The following PKN2 variants were observed in gnomAD, a reference collection of about 807,000 sequenced individuals.
PKN2 encodes protein kinase N2, also known as serine/threonine-protein kinase N2.
Under a neutral mutation model 119.1 loss-of-function variants are expected in PKN2, and 38 were observed. The ratio of observed to expected loss-of-function variants is 0.32; its 90% CI spans 0.25 to 0.42. The LOEUF (loss-of-function observed/expected upper bound fraction) is 0.42. PKN2 is among the 10% of genes least tolerant of loss of function. The pLI is 1.00. For synonymous variants in PKN2, 390 were observed against 384.9 expected, an observed-to-expected ratio of 1.01 and a Z score of -0.15; for missense variants, 850 against 1,165.1, an observed-to-expected ratio of 0.73 and a Z score of 3.94.
intron 1 of PKN2, among the ~76,000 whole-genome samples, chr1:88,702,769 T>C (rs761044814): frequency 3.3e-5 from 5 of 152,182 alleles, no homozygotes; most frequent in Non-Finnish European, 7.4e-5. Context: ...TCATGAGATA[T>C]TCTAGTTTCA....
At chr1:88,737,968 T>A (rs1476536337) in intron 1 of PKN2, among the ~76,000 whole-genome samples, 5 of 152,198 alleles carry the variant, frequency 3.3e-5, no homozygotes, top group African/African-American at 1.2e-4. Context: ...CTTGCGAAGT[T>A]ACTTTCATGC....
intron 1 of PKN2, among the ~76,000 whole-genome samples, chr1:88,693,987 A>G (rs1169879209): frequency 1.3e-5 from 2 of 152,192 alleles, no homozygotes; most frequent in East Asian, 3.8e-4. Context: ...TTCATATTTT[A>G]AAGCAGTTTT....
At chr1:88,687,594 C>T (rs185325432) in intron 1 of PKN2, among the ~76,000 whole-genome samples, 1 of 152,268 alleles carries the variant, frequency 6.6e-6, no homozygotes, top group East Asian at 1.9e-4. Context: ...AACAAAGCTA[C>T]CTTGTTGATT....
In PKN2 at chr1:88,821,976, AT is replaced by A; in HGVS notation, c.2318del (p.Leu773TyrfsTer11). The A allele has an allele frequency of 6.3e-7, 1 of 1,577,528 alleles. No homozygotes were observed. On this transcript the variant is annotated frameshift_variant, in exon 17 of 22. Coordinates refer to ENST00000370521, the MANE Select transcript of PKN2 (RefSeq NM_006256.4). LOFTEE classifies it high-confidence loss of function. The stretch of plus-strand genomic sequence containing the variant: ...GCTTGTGTAGTTCTTGGGTTGCAGT[AT>A]TTACATGAACACAAAATTGTTTATA... ...YAACVVLGLQ[Y>X]LHEHKIVYRD...
intron 2 of PKN2, among the ~76,000 whole-genome samples, chr1:88,751,076 C>T (rs556672697): frequency 2.0e-5 from 3 of 152,084 alleles, no homozygotes; most frequent in Non-Finnish European, 4.4e-5. Flanking sequence ...AATGGTCTGG[C>T]ATCTGCCTCT....
At chr1:88,778,112 A>G (rs1670180361) in intron 6 of PKN2, among the ~76,000 whole-genome samples, 1 of 152,188 alleles carries the variant, frequency 6.6e-6, no homozygotes, top group African/African-American at 2.4e-5. Flanking sequence ...CAACTAATGT[A>G]CCTTTTACAT....
chr1:88,689,257 G>C (rs901497898), intron 1 of PKN2, among the ~76,000 whole-genome samples: 7 of 152,142 alleles, frequency 4.6e-5, no homozygotes, highest in African/African-American at 1.7e-4. Context: ...GTTGCTCATA[G>C]TTCTGTCACT....
At chr1:88,774,944 A>T (rs1670034539) in intron 6 of PKN2, among the ~76,000 whole-genome samples, 1 of 152,178 alleles carries the variant, frequency 6.6e-6, no homozygotes, top group Non-Finnish European at 1.5e-5. Context: ...CCCGGCCTCA[A>T]GTCATCTTCC....
rs138174102 is a variant in PKN2 at position 88,760,043 on chromosome 1, C to T, written c.350-179C>T. Reference sequence around the variant, plus strand: ...GGGAAGTAGTCTTGCAACTCAGATACGTGTTTTTTTTTTTTTTGCATGAAT... The same window carrying T: ...GGGAAGTAGTCTTGCAACTCAGATATGTGTTTTTTTTTTTTTTGCATGAAT... On this transcript the variant is annotated intron_variant, in intron 2 of 21. Transcript: ENST00000370521. Among the ~76,000 whole-genome samples the T allele has an allele frequency of 3.7e-4, 51 of 139,142 alleles. No individual in the cohort carries two copies. The East Asian group carries it at 9.6e-3, about 26-fold the overall frequency. The allele number at this position is 139,142 out of a possible 152,430, so 91.3% of individuals were successfully genotyped here. A position where few individuals can be genotyped will look rare whatever the true frequency, so the allele number is the denominator to read the frequency against.
At position 88,828,465 on chromosome 1, in the gene PKN2, A is replaced by AT; in HGVS notation, c.2420-12dup. On this transcript the variant is annotated splice_polypyrimidine_tract_variant and intron_variant, in intron 18 of 21. Transcript: ENST00000370521. Reference sequence around the variant, plus strand: ...GTTTTCTTTGCTAACAAATGTTTACATTTTATCTTTTCCAGGAATGGGATA... The same window carrying AT: ...GTTTTCTTTGCTAACAAATGTTTACATTTTTATCTTTTCCAGGAATGGGATA... 1 of 1,577,638 alleles carries AT rather than the reference A, an allele frequency of 6.3e-7. No homozygotes were observed. Among genetic ancestry groups the AT allele is most frequent in the Non-Finnish European group, 8.7e-7 (1 of 1,155,122 alleles).
Position 88,684,602 on chromosome 1 carries a change from G to A in PKN2, c.22G>A (p.Gly8Arg), listed in dbSNP as rs1225868815. Residue 8 changes from glycine to arginine, a missense_variant, in exon 1 of 22, where the codon GGG becomes AGG. Coordinates refer to ENST00000370521, the MANE Select transcript of PKN2 (RefSeq NM_006256.4). ...CGCAATGGCGTCCAACCCCGAACGG[G>A]GGGAGATTCTGCTCACGGAACTGCA... is the stretch of plus-strand genomic sequence containing the variant. The part of the protein sequence containing the change: MASNPER[G>R]EILLTELQGD... 2 of 1,563,708 alleles carry A rather than the reference G, an allele frequency of 1.3e-6. No homozygotes were observed. The highest frequency in any genetic ancestry group is 2.5e-5 in the East Asian group (1 of 40,416).
In PKN2 at chr1:88,685,780, A is replaced by G. The variant is rs547122783; in HGVS notation, c.48+1152A>G. ...GTTAATTTTTTTTAAAAAAAAGACT[A>G]AATCAAGAAATTCTGAAGAGTTGAT... On this transcript the variant is annotated intron_variant, in intron 1 of 21. Coordinates refer to ENST00000370521, the MANE Select transcript of PKN2 (RefSeq NM_006256.4). Among the ~76,000 whole-genome samples the G allele has an allele frequency of 3.3e-4, 50 of 152,364 alleles. No homozygotes were observed. In the South Asian group the frequency reaches 9.3e-3, roughly 28 times the overall value.
chr1:88,788,891 G>C (rs6694383), intron 8 of PKN2, among the ~76,000 whole-genome samples: 16,983 of 152,100 alleles, frequency 0.11, 1,975 homozygotes, highest in African/African-American at 0.3. Context: ...AAAGCTTAAT[G>C]AAGCTCCCAT....
At chr1:88,702,026 C>G (rs923076758) in intron 1 of PKN2, among the ~76,000 whole-genome samples, 1 of 151,956 alleles carries the variant, frequency 6.6e-6, no homozygotes, top group Non-Finnish European at 1.5e-5. Flanking sequence ...TGGCGCAATC[C>G]GGGCTCACTG....
At position 88,813,708 on chromosome 1, in the gene PKN2, G is replaced by T; in HGVS notation, c.2254G>T (p.Asp752Tyr). ...GGDLMMHIHT[D>Y]VFSEPRAVFY... ...GGACCTAATGATGCACATTCATACT[G>T]ATGTCTTTTCTGAACCAAGAGCTGT... The change falls in exon 16 of 22, where the codon GAT (aspartate) becomes TAT (tyrosine). Residue 752 changes from aspartate to tyrosine, a missense_variant. Physicochemically the swap from Asp to Tyr is radical, Grantham distance 160 (BLOSUM62 -3). Around this residue, in one of 9 missense-constraint regions of PKN2, gnomAD observed 55 missense variants for 85.9 expected, o/e 0.64. Transcript: ENST00000370521. 1 of 1,595,522 alleles carries T rather than the reference G, an allele frequency of 6.3e-7. No homozygotes were observed. The highest frequency in any genetic ancestry group is 8.5e-7 in the Non-Finnish European group (1 of 1,173,884).
chr1:88,715,251 C>G (rs1667399554), intron 1 of PKN2, among the ~76,000 whole-genome samples: 1 of 152,104 alleles, frequency 6.6e-6, no homozygotes, highest in Admixed American at 6.6e-5. Flanking sequence ...TGTTGTATCT[C>G]TGCCAGGCTT....
At chr1:88,699,237 C>G (rs1048474047) in intron 1 of PKN2, among the ~76,000 whole-genome samples, 12 of 152,072 alleles carry the variant, frequency 7.9e-5, no homozygotes, top group African/African-American at 2.9e-4. Context: ...TAAATTTTCT[C>G]TGTTTTGGGA....
At chr1:88,770,885 CTTT>C (rs67908637) in intron 4 of PKN2, among the ~76,000 whole-genome samples, 5 of 141,388 alleles carry the variant, frequency 3.5e-5, no homozygotes, top group South Asian at 4.5e-4. Context: ...GCGCCCGGCC[CTTT>C]TTTTTTTTTT....
At chr1:88,697,043 A>C (rs181839026) in intron 1 of PKN2, among the ~76,000 whole-genome samples, 7 of 152,256 alleles carry the variant, frequency 4.6e-5, no homozygotes, top group Admixed American at 2.0e-4. Context: ...TTCATTGACT[A>C]TATGAATATA....
Sources: gnomAD v4.1 joint callset for allele counts (sites outside exome capture counted in the v4.1 genomes callset) on GRCh38, gnomAD v4.1.1 for gene constraint, gnomAD v4.1.1 regional missense constraint, MANE v1.5 for transcripts, NCBI Gene and HGNC (gene_info 2026-07-23, HGNC 2026-07-21) for gene names.